The following RAPGEF6 variants were observed in gnomAD, a reference collection of about 807,000 sequenced individuals.
RAPGEF6 encodes PDZ domain containing guanine nucleotide exchange factor (GEF) 2.
Under a neutral mutation model 171.4 loss-of-function variants are expected in RAPGEF6, and 56 were observed. The ratio of observed to expected loss-of-function variants is 0.33; its 90% confidence interval spans 0.26 to 0.41. RAPGEF6 has a LOEUF of 0.41. RAPGEF6 is among the 10% of genes least tolerant of loss of function. The pLI, the probability that RAPGEF6 is intolerant of heterozygous loss-of-function variation, is 1.00. For synonymous variants in RAPGEF6, 692 were observed against 650.1 expected (o/e 1.06, Z -0.98); for missense variants, 1,674 against 1,921.4 (o/e 0.87, Z 2.41).
chr5:131,573,848 C>T (rs1762449580), intron 4 of RAPGEF6, among the ~76,000 whole-genome samples: 1 of 152,164 alleles, frequency 6.6e-6, no homozygotes. Flanking sequence ...GCCAGAAGGC[C>T]ACCTTATCCT....
At chr5:131,494,162 CA>C (rs1358663050) in intron 13 of RAPGEF6, among the ~76,000 whole-genome samples, 3 of 152,206 alleles carry the variant, frequency 2.0e-5, no homozygotes, top group Non-Finnish European at 4.4e-5. Context: ...ACTATCTTTA[CA>C]AATAACACAA....
intron 3 of RAPGEF6, among the ~76,000 whole-genome samples, chr5:131,593,161 G>C (rs1356258421): frequency 6.6e-6 from 1 of 151,912 alleles, no homozygotes; most frequent in African/African-American, 2.4e-5. Flanking sequence ...CATTTTACAG[G>C]GGCTGTGATA....
chr5:131,488,501 C>G (rs929168895), intron 15 of RAPGEF6, among the ~76,000 whole-genome samples: 1 of 151,948 alleles, frequency 6.6e-6, no homozygotes, highest in African/African-American at 2.4e-5. Context: ...AGATATTAGT[C>G]GAAACTCCAG....
chr5:131,426,443 A>G lies in RAPGEF6; in HGVS notation c.*823T>C, dbSNP rs547904937. The G allele has an allele frequency of 9.2e-5, 14 of 152,422 alleles. No individual in the cohort carries two copies. The highest frequency in any genetic ancestry group is 3.4e-4 in the African/African-American group (14 of 41,550). The allele number at this position is 152,422 out of a possible 1,614,324, so 9.4% of individuals were successfully genotyped here. The stretch of plus-strand genomic sequence containing the variant: ...ATTCGATGCAGCATAACTTTCACTT[A>G]AGGAAGAATTTGTATACATGTCATT... On this transcript the variant is annotated 3_prime_UTR_variant, in exon 28 of 28. Transcript: ENST00000509018.
At chr5:131,479,008 T>A (rs1755291100) in intron 16 of RAPGEF6, among the ~76,000 whole-genome samples, 1 of 152,214 alleles carries the variant, frequency 6.6e-6, no homozygotes, top group Non-Finnish European at 1.5e-5. Flanking sequence ...TTTAGTGGAC[T>A]AATTCCATCA....
At chr5:131,554,156 A>G (rs1227932280) in intron 5 of RAPGEF6, among the ~76,000 whole-genome samples, 1 of 152,192 alleles carries the variant, frequency 6.6e-6, no homozygotes, top group African/African-American at 2.4e-5. Flanking sequence ...GAATGTATTA[A>G]TTGTGTTAAT....
chr5:131,521,434 T>A lies in RAPGEF6; in HGVS notation c.583A>T (p.Ile195Phe), dbSNP rs746895469. Residue 195 changes from isoleucine (I) to phenylalanine (F), a missense_variant, in exon 7 of 28, where the codon ATT (isoleucine) becomes TTT (phenylalanine). Ile to Phe is a conservative substitution (Grantham distance 21). Coordinates refer to ENST00000509018, the MANE Select transcript of RAPGEF6 (RefSeq NM_016340.6). ...CTGCTGCTTCCAGAGTCACTGGCAA[T>A]GCTACAACCAGACTGACTAGAAGAC... ...HVSSSQSGCS[I>F]ASDSGSSSLS... is the part of the protein sequence containing the mutation. 3.1e-6 allele frequency: 5 copies of A among 1,611,990 alleles called. No individual in the cohort carries two copies. Among genetic ancestry groups the A allele is most frequent in the Admixed American group, 1.7e-5 (1 of 59,800 alleles).
At chr5:131,539,787 A>G (rs1334395332) in intron 6 of RAPGEF6, among the ~76,000 whole-genome samples, 1 of 152,200 alleles carries the variant, frequency 6.6e-6, no homozygotes, top group Non-Finnish European at 1.5e-5. Flanking sequence ...CAAAACATGG[A>G]GCACTGAAAG....
chr5:131,555,741 T>C (rs986112837), intron 5 of RAPGEF6, among the ~76,000 whole-genome samples: 1 of 120,202 alleles, frequency 8.3e-6, no homozygotes, highest in Non-Finnish European at 1.7e-5. Context: ...TATAGATTTA[T>C]GTATATGTGT....
At chr5:131,562,524 G>C (rs988724665) in intron 4 of RAPGEF6, among the ~76,000 whole-genome samples, 1 of 152,112 alleles carries the variant, frequency 6.6e-6, no homozygotes, top group African/African-American at 2.4e-5. Flanking sequence ...TAGTCTCTTG[G>C]TATCCAACTG....
chr5:131,582,905 G>A (rs899874177), intron 4 of RAPGEF6, among the ~76,000 whole-genome samples: 2 of 152,094 alleles, frequency 1.3e-5, no homozygotes, highest in African/African-American at 4.8e-5. Flanking sequence ...AACATGCATC[G>A]ACCATATAAC....
intron 24 of RAPGEF6, chr5:131,436,520 G>A: frequency 1.3e-6 from 1 of 773,402 alleles, no homozygotes; most frequent in Non-Finnish European, 2.0e-6. Flanking sequence ...TTAATGCATG[G>A]AAAAAAATCT....
Position 131,508,179 on chromosome 5 carries a change from G to C in RAPGEF6, c.834C>G (p.Leu278=), listed in dbSNP as rs1295481022. Reference sequence around the variant, plus strand: ...ACATGGTCATGTTTGCAAATGCAGGGAGCTGGTGCATAAACTCCAGCAATT... The same window carrying C: ...ACATGGTCATGTTTGCAAATGCAGGCAGCTGGTGCATAAACTCCAGCAATT... ...IEQLLEFMHQ[L]PAFANMTMSV... Residue 278 remains leucine (L), a synonymous_variant, in exon 9 of 28, where the codon CTC becomes CTG. Coordinates refer to ENST00000509018, the MANE Select transcript of RAPGEF6 (RefSeq NM_016340.6). The C allele has an allele frequency of 6.2e-7, 1 of 1,611,818 alleles. No homozygotes were observed. The highest frequency in any genetic ancestry group is 8.5e-7 in the Non-Finnish European group (1 of 1,179,134).
At chr5:131,612,201 A>ATTTTTTT (rs35306366) in intron 1 of RAPGEF6, among the ~76,000 whole-genome samples, 3 of 83,304 alleles carry the variant, frequency 3.6e-5, no homozygotes, top group South Asian at 4.4e-4. Context: ...TGCTCAGCTA[A>ATTTTTTT]TTTTTTTTTT....
chr5:131,607,579 G>C (rs1764684668), intron 1 of RAPGEF6, among the ~76,000 whole-genome samples: 1 of 152,208 alleles, frequency 6.6e-6, no homozygotes, highest in Admixed American at 6.5e-5. Context: ...AACACAGTCA[G>C]TGGGGGTTGG....
chr5:131,592,463 T>C lies in RAPGEF6; in HGVS notation c.201A>G (p.Ser67=). Residue 67 remains serine, a synonymous_variant, in exon 4 of 28, where the codon TCA becomes TCG. Transcript: ENST00000509018. The stretch of plus-strand genomic sequence containing the variant: ...TATACCAACATCTGGCAATCGTTTC[T>C]GAACTGTTTAAATAAATAAGTAAAT... ...RYSGNQVLFC[S]ETIARCWYIL... is the part of the protein sequence containing the mutation. 1 of 1,613,192 alleles carries C rather than the reference T, an allele frequency of 6.2e-7. No individual in the cohort carries two copies. Among genetic ancestry groups the C allele is most frequent in the Non-Finnish European group, 8.5e-7 (1 of 1,179,432 alleles).
chr5:131,556,556 T>C (rs556180680), intron 5 of RAPGEF6, among the ~76,000 whole-genome samples: 1 of 152,336 alleles, frequency 6.6e-6, no homozygotes, highest in African/African-American at 2.4e-5. Flanking sequence ...TAATTCTTCA[T>C]GGAATTATAC....
chr5:131,564,502 G>A (rs1448133862), intron 4 of RAPGEF6, among the ~76,000 whole-genome samples: 2 of 152,114 alleles, frequency 1.3e-5, no homozygotes, highest in Admixed American at 6.6e-5. Context: ...TAATCAAATA[G>A]ATTCCAATTA....
chr5:131,481,223 C>T (rs931839396), intron 15 of RAPGEF6, among the ~76,000 whole-genome samples: 3 of 150,230 alleles, frequency 2.0e-5, no homozygotes, highest in South Asian at 4.3e-4. Flanking sequence ...CCATGCCTGG[C>T]CCTTTTTTTT....
Sources: gnomAD v4.1 joint callset for allele counts (sites outside exome capture counted in the v4.1 genomes callset) on GRCh38, gnomAD v4.1.1 for gene constraint, MANE v1.5 for transcripts, NCBI Gene and HGNC (gene_info 2026-07-23, HGNC 2026-07-21) for gene names.